GPR180: variants seen among roughly 807,000 people sequenced by gnomAD.
GPR180 encodes the protein integral membrane protein GPR180.
GPR180 carries 53 observed loss-of-function variants against 52.6 expected under a neutral mutation model. That is an observed-to-expected ratio of 1.01 (90% CI 0.81 to 1.27). The LOEUF (loss-of-function observed/expected upper bound fraction) is 1.27, where lower values mean the gene tolerates loss of function less well. GPR180 is among the 50% of genes most tolerant of loss of function. The pLI is 0.00. For missense variants in GPR180, 533 were observed against 527.0 expected, an observed-to-expected ratio of 1.01 and a Z score of -0.11; for synonymous variants, 200 against 193.1, an observed-to-expected ratio of 1.04 and a Z score of -0.30.
Position 94,634,659 on chromosome 13 carries a change from C to T in GPR180, c.*7488C>T, listed in dbSNP as rs2138576679. The T allele has an allele frequency of 6.6e-6, 1 of 152,210 alleles. No individual in the cohort carries two copies. Among genetic ancestry groups the T allele is most frequent in the East Asian group, 1.9e-4 (1 of 5,178 alleles). 9.4% of individuals were successfully genotyped at this position (152,210 alleles called of 1,614,324 possible). On this transcript the variant is annotated 3_prime_UTR_variant, in exon 9 of 9. Transcript: ENST00000376958. The stretch of plus-strand genomic sequence containing the variant: ...GGCTCTCTTGTGTTTTCTAGGTAAA[C>T]AACCGTATTGTCTGCAAATAATCAT...
chr13:94,619,511 G>T lies in GPR180; in HGVS notation c.730G>T (p.Ala244Ser). Residue 244 changes from alanine (A) to serine (S), a missense_variant, in exon 5 of 9, where the codon GCA becomes TCA. Coordinates refer to ENST00000376958, the MANE Select transcript of GPR180 (RefSeq NM_180989.6). ...GIGVPFMGSL[A>S]EFFDIASQIQ... ...AGGGGTACCATTTATGGGAAGTTTG[G>T]CAGAATGTGAGTATCTTTCTGAGCA... is the stretch of plus-strand genomic sequence containing the variant. 1 of 1,612,660 alleles carries T rather than the reference G, an allele frequency of 6.2e-7. No homozygotes were observed. Among genetic ancestry groups the T allele is most frequent in the Non-Finnish European group, 8.5e-7 (1 of 1,179,094 alleles).
At position 94,621,174 on chromosome 13, in the gene GPR180, C is replaced by T. The variant is rs1384029637; in HGVS notation, c.833C>T (p.Pro278Leu). Residue 278 changes from proline to leucine, a missense_variant, in exon 6 of 9, where the codon CCT becomes CTT. By Grantham distance (98) the Pro-to-Leu change is moderately conservative. Transcript: ENST00000376958. ...IVRMKKSQSR[P>L]LQWDSTPAST... ...AGAATGAAGAAGTCTCAAAGCAGAC[C>T]TCTCCAGTGGGATTCTACGCCTGCA... 1 of 1,611,846 alleles carries T rather than the reference C, an allele frequency of 6.2e-7. No individual in the cohort carries two copies. Among genetic ancestry groups the T allele is most frequent in the Non-Finnish European group, 8.5e-7 (1 of 1,179,316 alleles).
chr13:94,626,954 T>C, intron 8 of GPR180, 59 bp from the exon 9 acceptor site: 1 of 1,202,146 alleles, frequency 8.3e-7, no homozygotes. Flanking sequence ...CATAATAAAT[T>C]GAATATTATT....
In GPR180 at chr13:94,626,007, C is replaced by A; in HGVS notation, c.1128C>A (p.Cys376Ter). 2 of 1,611,336 alleles carry A rather than the reference C, an allele frequency of 1.2e-6. 1 individual carries two copies. Among genetic ancestry groups the A allele is most frequent in the South Asian group, 2.2e-5 (2 of 90,888 alleles). ...LWFLCHPVLA[C>*]ISVIFSDYQR... ...TTTTATGCCATCCAGTTCTTGCATG[C>A]ATTTCTGTCATTTTTAGCGACTACC... is the stretch of plus-strand genomic sequence containing the variant. Residue 376 changes from cysteine (C) to a stop codon, truncating the protein, a stop_gained, in exon 8 of 9, where the codon TGC becomes TGA. Coordinates refer to ENST00000376958, the MANE Select transcript of GPR180 (RefSeq NM_180989.6). LOFTEE classifies it high-confidence loss of function.
chr13:94,606,551 A>G (rs539295779), intron 2 of GPR180, among the ~76,000 whole-genome samples: 4 of 152,370 alleles, frequency 2.6e-5, no homozygotes, highest in African/African-American at 9.6e-5. Context: ...AGAAGACATT[A>G]GAAATTTGAA....
intron 3 of GPR180, among the ~76,000 whole-genome samples, chr13:94,616,886 G>A (rs7989918): frequency 0.11 from 16,285 of 152,154 alleles, 1,349 homozygotes; most frequent in African/African-American, 0.23. Flanking sequence ...TGCAGAGCTA[G>A]CATTTTATCT....
intron 1 of GPR180, among the ~76,000 whole-genome samples, chr13:94,604,078 A>T (rs1395087825): frequency 6.6e-6 from 1 of 152,164 alleles, no homozygotes; most frequent in East Asian, 1.9e-4. Context: ...TCACACCTGT[A>T]ATCCCAGCAC....
In GPR180 at chr13:94,614,555, G is replaced by C. The variant is rs1221638708; in HGVS notation, c.505+2165G>C. 6.6e-5 allele frequency among the ~76,000 whole-genome samples: 10 copies of C among 152,304 alleles called. No individual in the cohort carries two copies. In the East Asian group the frequency reaches 1.9e-3, roughly 29 times the overall value. ...GACCTCTGAATCCCAGTCATACCTT[G>C]CCTTGTCCTGAACCTTGCCTATGTC... is the stretch of plus-strand genomic sequence containing the variant. On this transcript the variant is annotated intron_variant, in intron 3 of 8. Coordinates refer to ENST00000376958, the MANE Select transcript of GPR180 (RefSeq NM_180989.6).
intron 2 of GPR180, among the ~76,000 whole-genome samples, chr13:94,609,944 A>G (rs1294309322): frequency 1.3e-5 from 2 of 152,138 alleles, no homozygotes; most frequent in Admixed American, 6.5e-5. Flanking sequence ...ACAACCTATA[A>G]ATAACATTTT....
chr13:94,620,073 T>C (rs1340328929), intron 5 of GPR180, among the ~76,000 whole-genome samples: 1 of 152,168 alleles, frequency 6.6e-6, no homozygotes, highest in East Asian at 1.9e-4. Flanking sequence ...TTATCCTCAA[T>C]AGAAAAGGGG....
chr13:94,625,252 A>G (rs1226072236), intron 7 of GPR180, among the ~76,000 whole-genome samples: 1 of 152,232 alleles, frequency 6.6e-6, no homozygotes, highest in African/African-American at 2.4e-5. Flanking sequence ...CACAATTGCT[A>G]TTAGTTCTTA....
chr13:94,613,798 A>G (rs1487436007), intron 3 of GPR180, among the ~76,000 whole-genome samples: 2 of 151,828 alleles, frequency 1.3e-5, no homozygotes, highest in African/African-American at 4.8e-5. Context: ...TATTTTGGAA[A>G]GGCATTGATG....
intron 2 of GPR180, among the ~76,000 whole-genome samples, chr13:94,606,673 A>G (rs149928108): frequency 4.6e-5 from 7 of 152,342 alleles, no homozygotes; most frequent in Middle Eastern, 3.4e-3. Context: ...CTAGTGAAGC[A>G]TTCATTTCTA....
intron 3 of GPR180, among the ~76,000 whole-genome samples, chr13:94,615,921 A>G (rs1412776869): frequency 1.3e-5 from 2 of 152,242 alleles, no homozygotes; most frequent in African/African-American, 4.8e-5. Flanking sequence ...TTTGGCTTAA[A>G]GTAACAGAAA....
At chr13:94,625,689 T>C (rs912314288) in intron 7 of GPR180, among the ~76,000 whole-genome samples, 1 of 152,220 alleles carries the variant, frequency 6.6e-6, no homozygotes, top group Non-Finnish European at 1.5e-5. Flanking sequence ...CTTAATAATT[T>C]GTTACTTATA....
Position 94,612,352 on chromosome 13 carries a change from A to T in GPR180, c.467A>T (p.Glu156Val). 6.2e-7 allele frequency: 1 copy of T among 1,613,120 alleles called. No individual in the cohort carries two copies. Among genetic ancestry groups the T allele is most frequent in the East Asian group, 2.2e-5 (1 of 44,860 alleles). The change falls in exon 3 of 9, where the codon GAA becomes GTA. Residue 156 changes from glutamate to valine, a missense_variant. Coordinates refer to ENST00000376958, the MANE Select transcript of GPR180 (RefSeq NM_180989.6). ...ATGGTGTTACTAAACCCAGATGCCGAAGGGAATCCATTTGATCATTTTAGT... is the reference window on the plus strand; with the variant it reads ...ATGGTGTTACTAAACCCAGATGCCGTAGGGAATCCATTTGATCATTTTAGT... ...FEMVLLNPDA[E>V]GNPFDHFSAG...
intron 3 of GPR180, among the ~76,000 whole-genome samples, chr13:94,613,882 TTA>T (rs1210209734): frequency 2.0e-5 from 3 of 151,354 alleles, no homozygotes; most frequent in Admixed American, 1.3e-4. Context: ...TTTTTTTTTT[TTA>T]ATTTTATTTT....
rs1313091231 is a variant in GPR180, at chr13:94,633,171, C to A, written c.*6000C>A. 6.6e-6 allele frequency: 1 copy of A among 152,178 alleles called. No homozygotes were observed. The highest frequency in any genetic ancestry group is 1.5e-5 in the Non-Finnish European group (1 of 68,054). 9.4% of individuals were successfully genotyped at this position (152,178 alleles called of 1,614,324 possible). A position where few individuals can be genotyped will look rare whatever the true frequency, so the allele number is the denominator to read the frequency against. On this transcript the variant is annotated 3_prime_UTR_variant, in exon 9 of 9. Coordinates refer to ENST00000376958, the MANE Select transcript of GPR180 (RefSeq NM_180989.6). ...GGTATTGTGGGGACCCCTGAACTTGCAGCCAGTTGGTCAGAAGTAAGGATG... is the reference window on the plus strand; with the variant it reads ...GGTATTGTGGGGACCCCTGAACTTGAAGCCAGTTGGTCAGAAGTAAGGATG...
At chr13:94,611,551 A>G (rs534087334) in intron 2 of GPR180, among the ~76,000 whole-genome samples, 6 of 152,188 alleles carry the variant, frequency 3.9e-5, no homozygotes, top group Admixed American at 2.0e-4. Flanking sequence ...TCAAAATTCA[A>G]AGTTTCAGCC....
Sources: allele counts gnomAD v4.1 joint callset (sites outside exome capture counted in the v4.1 genomes callset), GRCh38; gene constraint gnomAD v4.1.1; transcripts MANE v1.5; gene names NCBI Gene and HGNC (gene_info 2026-07-23, HGNC 2026-07-21).